Variants in STAU1 observed in about 807,000 individuals in gnomAD.
STAU1 encodes double-stranded RNA-binding protein Staufen homolog 1.
In STAU1, 13 loss-of-function variants were observed where a neutral mutation model predicts 62.9. The ratio of observed to expected loss-of-function variants is 0.21; its 90% CI spans 0.13 to 0.33. The LOEUF (loss-of-function observed/expected upper bound fraction) is 0.33, where lower values mean the gene tolerates loss of function less well. STAU1 is among the 10% of genes least tolerant of loss of function. The pLI is 1.00. For missense variants in STAU1, 571 were observed against 712.1 expected (o/e 0.80, Z 2.25); for synonymous variants, 269 against 265.1 (o/e 1.01, Z -0.14).
intron 5 of STAU1, 80 bp downstream of exon 5, chr20:49,151,501 GA>G: frequency 7.4e-7 from 1 of 1,358,970 alleles, no homozygotes; most frequent in African/African-American, 1.5e-5. Flanking sequence ...TGCCTTCTTA[GA>G]AAAGATAATG....
In STAU1 at chr20:49,115,020, A is replaced by G. The variant is rs534063387; in HGVS notation, c.1719-127T>C. On this transcript the variant is annotated intron_variant, in intron 13 of 13. Transcript: ENST00000371856. ...ACTAAAAGCCCCAGTTTATGATAACAAAAGTTTTCCCAGGGTATGCCAGTA... is the reference window on the plus strand; with the variant it reads ...ACTAAAAGCCCCAGTTTATGATAACGAAAGTTTTCCCAGGGTATGCCAGTA... 10 of 976,844 alleles carry G rather than the reference A, an allele frequency of 1.0e-5. No homozygotes were observed. In the East Asian group the frequency reaches 1.3e-4, roughly 13 times the overall value. The allele number at this position is 976,844 out of a possible 1,614,324, so 60.5% of individuals were successfully genotyped here.
At chr20:49,156,814 A>C (rs2093364511) in intron 3 of STAU1, among the ~76,000 whole-genome samples, 1 of 151,456 alleles carries the variant, frequency 6.6e-6, no homozygotes, top group Non-Finnish European at 1.5e-5. Context: ...TCCCCTTCTT[A>C]TCCTTTTTTG....
At chr20:49,149,251 AACACACACACACACACACACACACAC>A (rs34854738) in intron 5 of STAU1, among the ~76,000 whole-genome samples, 1 of 131,940 alleles carries the variant, frequency 7.6e-6, no homozygotes, top group Non-Finnish European at 1.6e-5. Flanking sequence ...ACTGTCTCAA[AACACACACACACACACACACACACAC>A]ACACACACAC....
intron 1 of STAU1, among the ~76,000 whole-genome samples, chr20:49,181,067 G>A (rs1476341927): frequency 6.6e-6 from 1 of 152,146 alleles, no homozygotes; most frequent in Non-Finnish European, 1.5e-5. Context: ...CTGGCCCCTC[G>A]GAAGCGCATC....
chr20:49,132,059 G>A (rs916243967), intron 6 of STAU1, among the ~76,000 whole-genome samples: 6 of 151,890 alleles, frequency 4.0e-5, no homozygotes, highest in African/African-American at 1.5e-4. Context: ...GGGGAAGGAG[G>A]TAGCGGAGAA....
rs376921169 is a variant in STAU1 at position 49,153,107 on chromosome 20, G to A, written c.344+826C>T. Among the ~76,000 whole-genome samples the A allele has an allele frequency of 2.0e-3, 301 of 151,752 alleles. 1 individual carries two copies. The highest frequency in any genetic ancestry group is 0.015 in the South Asian group (74 of 4,792). On this transcript the variant is annotated intron_variant, in intron 4 of 13. Transcript: ENST00000371856. ...CTACTAAAAATACAAAAAATTAGCC[G>A]GGTGTGGTGGCAGGCGCCTGTAGTC...
At chr20:49,165,097 T>G (rs1225845071) in intron 3 of STAU1, among the ~76,000 whole-genome samples, 1 of 152,186 alleles carries the variant, frequency 6.6e-6, no homozygotes, top group Non-Finnish European at 1.5e-5. Context: ...CAGGCTGGAG[T>G]GCAGTGCCAT....
rs201091642 is a variant in STAU1 at position 49,120,003 on chromosome 20, G to C, written c.1092C>G (p.Pro364=). Reference sequence around the variant, plus strand: ...TCACCTTCTCCTCTGACTTGAGTGCGGGTTTGGTGGGCTGCGCCTGCGGGA... The same window carrying C: ...TCACCTTCTCCTCTGACTTGAGTGCCGGTTTGGTGGGCTGCGCCTGCGGGA... ...FKVPQAQPTK[P]ALKSEEKTPI... Residue 364 remains proline, a synonymous_variant, in exon 9 of 14, where the codon CCC becomes CCG. Transcript: ENST00000371856. The C allele has an allele frequency of 1.2e-6, 2 of 1,614,108 alleles. No homozygotes were observed. Among genetic ancestry groups the C allele is most frequent in the East Asian group, 2.2e-5 (1 of 44,876 alleles).
At chr20:49,180,926 C>A in intron 1 of STAU1, among the ~76,000 whole-genome samples, 1 of 152,038 alleles carries the variant, frequency 6.6e-6, no homozygotes. Context: ...AATCAATTAT[C>A]CTAAACAAAA....
At chr20:49,141,460 G>A (rs2093005820) in intron 5 of STAU1, among the ~76,000 whole-genome samples, 2 of 152,196 alleles carry the variant, frequency 1.3e-5, no homozygotes, top group Non-Finnish European at 2.9e-5. Flanking sequence ...GTGCAGTGGA[G>A]TGTGCCTATA....
intron 9 of STAU1, among the ~76,000 whole-genome samples, chr20:49,119,668 T>A (rs965603507): frequency 6.6e-6 from 1 of 152,196 alleles, no homozygotes; most frequent in East Asian, 1.9e-4. Flanking sequence ...AAATCACACT[T>A]AGTAATTTCA....
At chr20:49,125,009 CA>C (rs1174085065) in intron 6 of STAU1, among the ~76,000 whole-genome samples, 2 of 114,352 alleles carry the variant, frequency 1.7e-5, no homozygotes, top group Non-Finnish European at 3.4e-5. Flanking sequence ...TATGTGGCCA[CA>C]AAAGAGAACG....
At chr20:49,217,413 A>C in the STAU1 span, among the ~76,000 whole-genome samples, 1 of 152,132 alleles carries the variant, frequency 6.6e-6, no homozygotes, top group East Asian at 1.9e-4. Flanking sequence ...ACAGTACCGT[A>C]ATAACGGGCA....
intron 5 of STAU1, among the ~76,000 whole-genome samples, chr20:49,143,279 A>G (rs1250295582): frequency 1.3e-5 from 2 of 152,222 alleles, no homozygotes; most frequent in Non-Finnish European, 2.9e-5. Context: ...TGTATAGTTC[A>G]GCAATAAAAT....
rs1315098460 is a variant in STAU1 at position 49,186,844 on chromosome 20, CT to C, written c.-160+1271del. 2.0e-5 allele frequency among the ~76,000 whole-genome samples: 3 copies of C among 151,940 alleles called. No homozygotes were observed. The East Asian group carries it at 5.8e-4, about 29-fold the overall frequency. ...TCCACCACGCTCTTAACAATGAAAG[CT>C]ACAAGCAGAAGAGAAGTGTGACCTT... On this transcript the variant is annotated intron_variant, in intron 1 of 13. Transcript: ENST00000371856.
At chr20:49,145,180 C>A (rs1300360937) in intron 5 of STAU1, among the ~76,000 whole-genome samples, 1 of 152,034 alleles carries the variant, frequency 6.6e-6, no homozygotes, top group Non-Finnish European at 1.5e-5. Context: ...AATCCCAGCA[C>A]TTTGGGAGGC....
intron 1 of STAU1, among the ~76,000 whole-genome samples, chr20:49,181,627 G>A (rs906071251): frequency 1.3e-5 from 2 of 151,894 alleles, no homozygotes; most frequent in African/African-American, 4.8e-5. Context: ...TTAGCCGGGC[G>A]TGGTGGTGCT....
At chr20:49,198,983 A>C in the STAU1 span, among the ~76,000 whole-genome samples, 1 of 151,210 alleles carries the variant, frequency 6.6e-6, no homozygotes, top group Non-Finnish European at 1.5e-5. Flanking sequence ...CCCCCCGCCA[A>C]AAAAATACAA....
chr20:49,151,235 G>A (rs1336644016), intron 5 of STAU1, among the ~76,000 whole-genome samples: 1 of 152,112 alleles, frequency 6.6e-6, no homozygotes, highest in African/African-American at 2.4e-5. Context: ...ATATATCACA[G>A]TAGATTCTGG....
Sources: allele counts gnomAD v4.1 joint callset (sites outside exome capture counted in the v4.1 genomes callset), GRCh38; gene constraint gnomAD v4.1.1; transcripts MANE v1.5; gene names NCBI Gene and HGNC (gene_info 2026-07-23, HGNC 2026-07-21).